FBXL22: variants seen among roughly 807,000 people sequenced by gnomAD.
FBXL22 encodes F-box and leucine rich repeat protein 22.
A neutral mutation model predicts 11.7 loss-of-function variants in FBXL22; 13 were observed. That is an observed-to-expected ratio of 1.11 (90% CI 0.73 to 1.77). The LOEUF is 1.77. FBXL22 is among the 40% of genes most tolerant of loss of function. The pLI, the probability that FBXL22 is intolerant of heterozygous loss-of-function variation, is 0.00. For missense variants in FBXL22, 406 were observed against 320.4 expected (o/e 1.27, Z -2.04); for synonymous variants, 160 against 144.1 (o/e 1.11, Z -0.79).
chr15:63,598,608 C>T (rs905661123), intron 1 of FBXL22, among the ~76,000 whole-genome samples: 1 of 152,164 alleles, frequency 6.6e-6, no homozygotes, highest in Non-Finnish European at 1.5e-5. Flanking sequence ...AGGAAAAACA[C>T]CCCCTTGATC....
chr15:63,606,192 G>A (rs2067412104), downstream of FBXL22, among the ~76,000 whole-genome samples: 1 of 152,188 alleles, frequency 6.6e-6, no homozygotes, highest in Non-Finnish European at 1.5e-5. Flanking sequence ...ACCCCTTAGA[G>A]ACTTTCCCTC....
rs1264556594 is a variant in FBXL22, at chr15:63,597,619, T to A, written c.227T>A (p.Ile76Asn). ...LLGPALRSLS[I>N]CWHSSRVQVC... Reference sequence around the variant, plus strand: ...GGCCCGGCACTCCGCAGCCTCTCCATCTGCTGGCACTCCAGCCGCGTGCAG... The same window carrying A: ...GGCCCGGCACTCCGCAGCCTCTCCAACTGCTGGCACTCCAGCCGCGTGCAG... Residue 76 changes from isoleucine (I) to asparagine (N), a missense_variant, in exon 1 of 2, where the codon ATC becomes AAC. Physicochemically the swap from Ile to Asn is moderately radical, Grantham distance 149 (BLOSUM62 -3). Coordinates refer to ENST00000638704, the MANE Select transcript of FBXL22 (RefSeq NM_001367807.1). This position sits in a 1 kb window ranked among gnomAD's most constrained non-coding sequence, Gnocchi z 4.3. The A allele has an allele frequency of 3.1e-6, 5 of 1,613,816 alleles. No individual in the cohort carries two copies. The highest frequency in any genetic ancestry group is 3.4e-6 in the Non-Finnish European group (4 of 1,180,018).
At chr15:63,601,612 G>T (rs781157806), downstream of FBXL22, 12 of 1,596,346 alleles carry the variant, frequency 7.5e-6, no homozygotes, top group South Asian at 1.3e-4. Context: ...CCACCGAGCC[G>T]CTCCTCCTTG....
chr15:63,602,882 G>C (rs1031534257), downstream of FBXL22, among the ~76,000 whole-genome samples: 1 of 152,124 alleles, frequency 6.6e-6, no homozygotes, highest in Non-Finnish European at 1.5e-5. Flanking sequence ...CTGAGTAGCA[G>C]GTATCTGAGA....
chr15:63,603,739 C>A (rs2067399025), downstream of FBXL22, among the ~76,000 whole-genome samples: 1 of 152,204 alleles, frequency 6.6e-6, no homozygotes, highest in East Asian at 1.9e-4. Context: ...AACAGGGTAG[C>A]CACAGTAAGC....
At position 63,597,943 on chromosome 15, in the gene FBXL22, C is replaced by T. The variant is rs1240826262; in HGVS notation, c.353+198C>T. Among the ~76,000 whole-genome samples, 1 of 152,226 alleles carries T rather than the reference C, an allele frequency of 6.6e-6. No homozygotes were observed. Among genetic ancestry groups the T allele is most frequent in the African/African-American group, 2.4e-5 (1 of 41,460 alleles). The stretch of plus-strand genomic sequence containing the variant: ...AATCATGAGGGAAACAATTGCTAAT[C>T]CTCCTCTTAGCCTCACAGGTCCTGG... On this transcript the variant is annotated intron_variant, in intron 1 of 1. Transcript: ENST00000638704. This position sits in a 1 kb window ranked among gnomAD's most constrained non-coding sequence, Gnocchi z 4.3.
At chr15:63,601,411 G>T (rs778771995), downstream of FBXL22, 3 of 1,591,268 alleles carry the variant, frequency 1.9e-6, no homozygotes, top group East Asian at 4.5e-5. Flanking sequence ...CTCGGAGTTC[G>T]CCGACTTGCG....
At chr15:63,605,220 T>C (rs2067407489), downstream of FBXL22, among the ~76,000 whole-genome samples, 1 of 152,230 alleles carries the variant, frequency 6.6e-6, no homozygotes, top group Non-Finnish European at 1.5e-5. Flanking sequence ...CTGGAGTGAC[T>C]CAGCCCTAGT....
rs1418866053 is a variant in FBXL22, at chr15:63,597,999, C to T, written c.353+254C>T. On this transcript the variant is annotated intron_variant, in intron 1 of 1. Transcript: ENST00000638704. The surrounding 1 kb of genome is among the most constrained non-coding windows in gnomAD (Gnocchi z 4.3). ...TTCATGCAAACACCAAGAAGTGGGG[C>T]CTCCGTACTGGTAGTCATTAAGTGC... Among the ~76,000 whole-genome samples, 4 of 152,204 alleles carry T rather than the reference C, an allele frequency of 2.6e-5. No homozygotes were observed. In the South Asian group the frequency reaches 6.2e-4, roughly 24 times the overall value.
At chr15:63,607,669 A>G in the FBXL22 span, among the ~76,000 whole-genome samples, 52 of 152,236 alleles carry the variant, frequency 3.4e-4, no homozygotes, top group Non-Finnish European at 6.9e-4. Flanking sequence ...ACATACACCT[A>G]TCTTCCTTGT....
intron 1 of FBXL22, among the ~76,000 whole-genome samples, chr15:63,598,780 G>A (rs773375911): frequency 6.6e-6 from 1 of 152,248 alleles, no homozygotes; most frequent in Non-Finnish European, 1.5e-5. Context: ...AACAGAAGAT[G>A]GACTTGGGGT....
rs1038691647 is a variant in FBXL22, at chr15:63,601,048, C to A, written c.*9C>A. 2.4e-6 allele frequency: 3 copies of A among 1,227,578 alleles called. No homozygotes were observed. The African/African-American group carries it at 4.7e-5, about 19-fold the overall frequency. The allele number at this position is 1,227,578 out of a possible 1,614,324, so 76.0% of individuals were successfully genotyped here. On this transcript the variant is annotated 3_prime_UTR_variant, in exon 2 of 2. Coordinates refer to ENST00000638704, the MANE Select transcript of FBXL22 (RefSeq NM_001367807.1). Reference sequence around the variant, plus strand: ...AGCTGCTGCAGCGCTAGACGCCGCCCCGCCGCTGCCCCCGGGGAAGGAGCG... The same window carrying A: ...AGCTGCTGCAGCGCTAGACGCCGCCACGCCGCTGCCCCCGGGGAAGGAGCG...
chr15:63,604,469 A>T (rs915273353), downstream of FBXL22, among the ~76,000 whole-genome samples: 133 of 152,102 alleles, frequency 8.7e-4, no homozygotes, highest in African/African-American at 2.9e-3. Context: ...GTTTCTAGGG[A>T]CCCAAATTGG....
intron 1 of FBXL22, chr15:63,599,590 C>A: frequency 9.9e-7 from 1 of 1,014,502 alleles, no homozygotes; most frequent in Non-Finnish European, 1.2e-6. Flanking sequence ...GAGGCCCGGG[C>A]TCGGTGTGAC....
At position 63,597,724 on chromosome 15, in the gene FBXL22, T is replaced by G. The variant is rs149590841; in HGVS notation, c.332T>G (p.Phe111Cys). ...CSRHESLVND[F>C]LLRVCDRCPN... ...CGGCACGAGAGCCTGGTCAATGATT[T>G]CCTCCTCCGGGTGTGCGACAGGTAG... Residue 111 changes from phenylalanine (F) to cysteine (C), a missense_variant, in exon 1 of 2, where the codon TTC becomes TGC. Transcript: ENST00000638704. The surrounding 1 kb of genome is among the most constrained non-coding windows in gnomAD (Gnocchi z 4.3). 657 of 1,589,530 alleles carry G rather than the reference T, an allele frequency of 4.1e-4. 3 individuals are homozygous for G. The highest frequency in any genetic ancestry group is 1.0e-3 in the South Asian group (89 of 89,326).
At chr15:63,602,629 A>G (rs2067388408), downstream of FBXL22, among the ~76,000 whole-genome samples, 1 of 151,924 alleles carries the variant, frequency 6.6e-6, no homozygotes, top group African/African-American at 2.4e-5. Context: ...AGTATTTGGA[A>G]AAAAGTGCAG....
rs765094463 is a variant in FBXL22 at position 63,597,675 on chromosome 15, G to T, written c.283G>T (p.Ala95Ser). Residue 95 changes from alanine (A) to serine (S), a missense_variant, in exon 1 of 2, where the codon GCC becomes TCC. Ala to Ser is a moderately conservative substitution (Grantham distance 99). Coordinates refer to ENST00000638704, the MANE Select transcript of FBXL22 (RefSeq NM_001367807.1). The surrounding 1 kb of genome is among the most constrained non-coding windows in gnomAD (Gnocchi z 4.3). The stretch of plus-strand genomic sequence containing the variant: ...CAGCATTGAGGACTGGCTCAAGAGT[G>T]CCTTCCAGAGAAGCATCTGCAGCCG... ...VCSIEDWLKS[A>S]FQRSICSRHE... is the part of the protein sequence containing the mutation. 1 of 1,604,076 alleles carries T rather than the reference G, an allele frequency of 6.2e-7. No individual in the cohort carries two copies. The highest frequency in any genetic ancestry group is 1.7e-5 in the Admixed American group (1 of 59,924).
chr15:63,602,984 A>G (rs1300295734), downstream of FBXL22, among the ~76,000 whole-genome samples: 1 of 152,214 alleles, frequency 6.6e-6, no homozygotes, highest in African/African-American at 2.4e-5. Flanking sequence ...GAAACTCAAA[A>G]TCCTTTCTCC....
At chr15:63,599,904 C>T (rs2067338460) in intron 1 of FBXL22, 1 of 985,648 alleles carries the variant, frequency 1.0e-6, no homozygotes, top group Non-Finnish European at 1.2e-6. Context: ...ATTATTCCCC[C>T]CACGCAGAGG....
Sources: gnomAD v4.1 joint callset for allele counts (sites outside exome capture counted in the v4.1 genomes callset) on GRCh38, gnomAD v4.1.1 for gene constraint, Gnocchi (gnomAD v3.1) non-coding constraint, MANE v1.5 for transcripts, NCBI Gene and HGNC (gene_info 2026-07-23, HGNC 2026-07-21) for gene names.